The following SEL1L2 variants were observed in gnomAD, a reference collection of about 807,000 sequenced individuals.
SEL1L2 encodes SEL1L2 adaptor subunit of SYVN1 ubiquitin ligase.
SEL1L2 carries 89 observed loss-of-function variants against 98.8 expected under a neutral mutation model. The observed-to-expected ratio is 0.90, with a 90% CI of 0.76 to 1.07. The LOEUF (loss-of-function observed/expected upper bound fraction) is 1.07. SEL1L2 is among the 50% of genes least tolerant of loss of function. SEL1L2 has a pLI of 0.00. For synonymous variants in SEL1L2, 262 were observed against 278.5 expected (o/e 0.94, Z 0.59); for missense variants, 788 against 812.0 (o/e 0.97, Z 0.36).
At chr20:13,925,112 G>A (rs1416543562) in intron 3 of SEL1L2, among the ~76,000 whole-genome samples, 1 of 152,096 alleles carries the variant, frequency 6.6e-6, no homozygotes, top group African/African-American at 2.4e-5. Flanking sequence ...GCACTCCAGC[G>A]TGGGCAACAG....
At chr20:13,869,328 C>T (rs2046074863) in intron 14 of SEL1L2, among the ~76,000 whole-genome samples, 175 bp downstream of exon 14, 1 of 152,162 alleles carries the variant, frequency 6.6e-6, no homozygotes, top group Admixed American at 6.6e-5. Context: ...ACCTCCTTGT[C>T]CCCCCTCCCA....
intron 18 of SEL1L2, among the ~76,000 whole-genome samples, chr20:13,857,524 C>T (rs938190707): frequency 4.6e-5 from 7 of 152,190 alleles, no homozygotes; most frequent in African/African-American, 1.7e-4. Flanking sequence ...GCTCTGTGTC[C>T]TGAGAGGACA....
chr20:13,930,937 C>G (rs1206721751), intron 3 of SEL1L2, among the ~76,000 whole-genome samples: 1 of 152,034 alleles, frequency 6.6e-6, no homozygotes, highest in Non-Finnish European at 1.5e-5. Flanking sequence ...TGGGTAACAG[C>G]CCGGGCAACA....
chr20:13,974,578 A>G (rs972059297), intron 1 of SEL1L2, among the ~76,000 whole-genome samples: 1 of 137,520 alleles, frequency 7.3e-6, no homozygotes, highest in Non-Finnish European at 1.5e-5. Flanking sequence ...TCCTGTGTTC[A>G]AGAGATTCTC....
At chr20:13,969,354 G>A (rs1164606553) in intron 1 of SEL1L2, among the ~76,000 whole-genome samples, 1 of 152,116 alleles carries the variant, frequency 6.6e-6, no homozygotes, top group Non-Finnish European at 1.5e-5. Context: ...CTTCCATCAT[G>A]TTTTACTCAC....
intron 15 of SEL1L2, among the ~76,000 whole-genome samples, chr20:13,866,083 A>G (rs554836009): frequency 6.6e-6 from 1 of 152,356 alleles, no homozygotes; most frequent in African/African-American, 2.4e-5. Flanking sequence ...AAGTTGGCAA[A>G]GGAGCAAATC....
chr20:13,941,481 T>C (rs926775374), intron 2 of SEL1L2, among the ~76,000 whole-genome samples: 1 of 152,156 alleles, frequency 6.6e-6, no homozygotes, highest in Non-Finnish European at 1.5e-5. Context: ...AAGTGATGAG[T>C]GGCACAGTTA....
At chr20:13,979,641 C>T (rs765565487) in intron 1 of SEL1L2, among the ~76,000 whole-genome samples, 9 of 152,242 alleles carry the variant, frequency 5.9e-5, no homozygotes, top group Middle Eastern at 3.4e-3. Context: ...TGTTGGGCTA[C>T]ATATTGGCAC....
intron 2 of SEL1L2, among the ~76,000 whole-genome samples, chr20:13,953,056 C>T (rs1043859429): frequency 2.0e-5 from 3 of 152,136 alleles, no homozygotes; most frequent in African/African-American, 7.2e-5. Flanking sequence ...GATGCATCCT[C>T]CAAACTGGGA....
intron 5 of SEL1L2, among the ~76,000 whole-genome samples, chr20:13,893,017 T>C (rs2047269968): frequency 1.3e-5 from 2 of 152,216 alleles, no homozygotes; most frequent in South Asian, 4.1e-4. Context: ...GAACAATTTC[T>C]GAAAATAACT....
intron 10 of SEL1L2, among the ~76,000 whole-genome samples, chr20:13,882,352 G>A (rs1600590368): frequency 6.6e-6 from 1 of 152,180 alleles, no homozygotes; most frequent in African/African-American, 2.4e-5. Context: ...CCATTGAGAG[G>A]AGAAGCCCAT....
chr20:13,931,803 T>C (rs2148315285), intron 2 of SEL1L2, 32 bp from the exon 3 acceptor site: 1 of 1,455,678 alleles, frequency 6.9e-7, no homozygotes, highest in Non-Finnish European at 9.1e-7. Flanking sequence ...CTCATTTTGT[T>C]CATGTGTGAG....
At chr20:13,913,658 G>C in intron 5 of SEL1L2, 124 bp downstream of exon 5, 2 of 874,876 alleles carry the variant, frequency 2.3e-6, no homozygotes, top group Non-Finnish European at 3.2e-6. Context: ...GTGCATTATG[G>C]TAACCTCCCT....
chr20:13,972,450 A>G (rs1391260296), intron 1 of SEL1L2, among the ~76,000 whole-genome samples: 2 of 152,178 alleles, frequency 1.3e-5, no homozygotes, highest in Non-Finnish European at 2.9e-5. Context: ...AAAAAATAAA[A>G]TAAGCCTTTA....
intron 19 of SEL1L2, 113 bp from the exon 20 acceptor site, chr20:13,849,717 G>T: frequency 3.1e-6 from 4 of 1,274,020 alleles, no homozygotes; most frequent in African/African-American, 1.5e-5. Context: ...CATTCCCTTT[G>T]CTTCCTTCAG....
intron 10 of SEL1L2, among the ~76,000 whole-genome samples, chr20:13,878,362 G>A (rs1319022636): frequency 1.3e-5 from 2 of 150,328 alleles, no homozygotes; most frequent in East Asian, 3.9e-4. Context: ...GGAGTGCAGT[G>A]GCACGATCTC....
chr20:13,927,260 G>GAGTT (rs1334540828), intron 3 of SEL1L2, among the ~76,000 whole-genome samples: 1 of 152,148 alleles, frequency 6.6e-6, no homozygotes, highest in African/African-American at 2.4e-5. Context: ...GCTAAATTTG[G>GAGTT]AGTTAGATCT....
At chr20:13,893,175 G>A (rs11697210) in intron 5 of SEL1L2, among the ~76,000 whole-genome samples, 47,306 of 151,958 alleles carry the variant, frequency 0.31, 7,737 homozygotes, top group Middle Eastern at 0.43. Flanking sequence ...CCCCTGCCCT[G>A]TGTTTTTGGC....
rs760255765 is a variant in SEL1L2, at chr20:13,865,433, C to T, written c.1486G>A (p.Asp496Asn). 9 of 1,613,962 alleles carry T rather than the reference C, an allele frequency of 5.6e-6. No homozygotes were observed. Among genetic ancestry groups the T allele is most frequent in the Non-Finnish European group, 6.8e-6 (8 of 1,179,980 alleles). ...AYFAYKDGDI[D>N]SSLVQYALLA... ...AGTGCATACTGAACAAGAGAAGAATCTATATCACCATCCTTATAGGCAAAG... is the reference window on the plus strand; with the variant it reads ...AGTGCATACTGAACAAGAGAAGAATTTATATCACCATCCTTATAGGCAAAG... The change falls in exon 16 of 20, where the codon GAT becomes AAT. Residue 496 changes from aspartate to asparagine, a missense_variant. Physicochemically the swap from Asp to Asn is conservative, Grantham distance 23 (BLOSUM62 1). Transcript: ENST00000284951.
Sources: allele counts gnomAD v4.1 joint callset (sites outside exome capture counted in the v4.1 genomes callset), GRCh38; gene constraint gnomAD v4.1.1; transcripts MANE v1.5; gene names NCBI Gene and HGNC (gene_info 2026-07-23, HGNC 2026-07-21).